The following PNLIPRP1 variants were observed in gnomAD, a reference collection of about 807,000 sequenced individuals.
The protein encoded by PNLIPRP1 is pancreatic lipase related protein 1.
PNLIPRP1 carries 57 observed loss-of-function variants against 54.6 expected under a neutral mutation model. The ratio of observed to expected loss-of-function variants is 1.04; its 90% confidence interval spans 0.84 to 1.30. The LOEUF (loss-of-function observed/expected upper bound fraction) is 1.30, where lower values mean the gene tolerates loss of function less well. Among genes scored for constraint, PNLIPRP1 ranks in the 50% most tolerant of loss-of-function variants. PNLIPRP1 has a pLI of 0.00. For synonymous variants in PNLIPRP1, 232 were observed against 208.8 expected, an observed-to-expected ratio of 1.11 and a Z score of -0.96; for missense variants, 567 against 568.5, an observed-to-expected ratio of 1.00 and a Z score of 0.03.
intron 12 of PNLIPRP1, among the ~76,000 whole-genome samples, chr10:116,608,538 G>A (rs1198933301): frequency 1.3e-5 from 2 of 152,188 alleles, no homozygotes; most frequent in African/African-American, 4.8e-5. Flanking sequence ...TTAATGGAGC[G>A]CCCTTTGTGC....
chr10:116,595,698 G>A (rs1847722378), intron 5 of PNLIPRP1: 1 of 153,374 alleles, frequency 6.5e-6, no homozygotes, highest in South Asian at 2.0e-4. Flanking sequence ...AAGTAAAGAA[G>A]ACACATGAGA....
At chr10:116,594,664 C>A in intron 4 of PNLIPRP1, 66 bp from the exon 5 acceptor site, 1 of 1,582,970 alleles carries the variant, frequency 6.3e-7, no homozygotes, top group Non-Finnish European at 8.7e-7. Flanking sequence ...CATTTCTGAG[C>A]CCTGGCTGGA....
chr10:116,595,214 G>T, intron 5 of PNLIPRP1: 1 of 272,878 alleles, frequency 3.7e-6, no homozygotes, highest in Non-Finnish European at 7.2e-6. Flanking sequence ...AACACCAGGT[G>T]GGCTCTGTTT....
At chr10:116,591,683 T>C (rs1222337080) in intron 2 of PNLIPRP1, 88 bp from the exon 3 acceptor site, 3 of 1,357,950 alleles carry the variant, frequency 2.2e-6, no homozygotes, top group Non-Finnish European at 2.1e-6. Flanking sequence ...TGTCCCTGAA[T>C]AGAAGAGTGA....
chr10:116,591,211 G>A (rs781816570), intron 2 of PNLIPRP1, 33 bp downstream of exon 2: 1 of 1,585,164 alleles, frequency 6.3e-7, no homozygotes, highest in Non-Finnish European at 8.7e-7. Context: ...CGTAGGAAGG[G>A]CTTAAACTTA....
At chr10:116,596,775 A>T (rs1172975801) in intron 6 of PNLIPRP1, among the ~76,000 whole-genome samples, 1 of 152,182 alleles carries the variant, frequency 6.6e-6, no homozygotes, top group Non-Finnish European at 1.5e-5. Flanking sequence ...CCCAGTCGCC[A>T]TTATGGCCAA....
intron 3 of PNLIPRP1, chr10:116,592,138 G>A (rs1054048779): frequency 2.7e-5 from 17 of 636,370 alleles, no homozygotes; most frequent in Non-Finnish European, 4.6e-5. Flanking sequence ...AGAACCTCTA[G>A]CTACTGTGTG....
intron 12 of PNLIPRP1, among the ~76,000 whole-genome samples, chr10:116,607,069 A>AGAT (rs1260689424): frequency 1.3e-5 from 2 of 149,658 alleles, no homozygotes; most frequent in African/African-American, 4.9e-5. Flanking sequence ...AAGAAAATCA[A>AGAT]GATTTTGGTC....
chr10:116,596,108 A>G (rs1325994030), intron 5 of PNLIPRP1, 106 bp from the exon 6 acceptor site: 2 of 751,446 alleles, frequency 2.7e-6, no homozygotes, highest in Non-Finnish European at 4.7e-6. Context: ...CCTGAAGGCA[A>G]TGAGAGGCAT....
In PNLIPRP1 at chr10:116,604,063, G is replaced by A. The variant is rs1554865186; in HGVS notation, c.1097G>A (p.Gly366Glu). 1 of 1,613,502 alleles carries A rather than the reference G, an allele frequency of 6.2e-7. No homozygotes were observed. The highest frequency in any genetic ancestry group is 1.3e-5 in the African/African-American group (1 of 74,868). The change falls in exon 11 of 13, where the codon GGA becomes GAA. Residue 366 changes from glycine to glutamate, a missense_variant. Coordinates refer to ENST00000358834, the MANE Select transcript of PNLIPRP1 (RefSeq NM_006229.4). ...WRYGVSITLS[G>E]RTATGQIKVA... The stretch of plus-strand genomic sequence containing the variant: ...TATGGGGTTTCCATCACACTGTCTG[G>A]AAGAACAGCCACTGGTCAGATCAAA...
Position 116,596,338 on chromosome 10 carries a change from C to G in PNLIPRP1, c.574+16C>G, listed in dbSNP as rs941090590. 4 of 1,509,978 alleles carry G rather than the reference C, an allele frequency of 2.6e-6. No individual in the cohort carries two copies. Among genetic ancestry groups the G allele is most frequent in the Non-Finnish European group, 2.8e-6 (3 of 1,088,824 alleles). The allele number at this position is 1,509,978 out of a possible 1,614,324, so 93.5% of individuals were successfully genotyped here. A position where few individuals can be genotyped will look rare whatever the true frequency, so the allele number is the denominator to read the frequency against. On this transcript the variant is annotated intron_variant, in intron 6 of 12. Transcript: ENST00000358834. ...AGGATTACAGGTAAGGCCCCAGAGGCAGGGCCCCAGTTTTGTCCCCAGAAA... is the reference window on the plus strand; with the variant it reads ...AGGATTACAGGTAAGGCCCCAGAGGGAGGGCCCCAGTTTTGTCCCCAGAAA...
intron 11 of PNLIPRP1, among the ~76,000 whole-genome samples, chr10:116,604,796 C>G (rs1339715963): frequency 6.9e-6 from 1 of 144,518 alleles, no homozygotes; most frequent in African/African-American, 2.6e-5. Flanking sequence ...TCAAGAAATT[C>G]TCGTGCCTCA....
rs147200171 is a variant in PNLIPRP1, at chr10:116,602,312, C to T, written c.1063+1111C>T. On this transcript the variant is annotated intron_variant, in intron 10 of 12. Coordinates refer to ENST00000358834, the MANE Select transcript of PNLIPRP1 (RefSeq NM_006229.4). ...GGGATTACAGGCGTGAGCCACCGCA[C>T]CCGGCCCACTCTGTGTATTTTTTTT... is the stretch of plus-strand genomic sequence containing the variant. Among the ~76,000 whole-genome samples the T allele has an allele frequency of 1.3e-3, 196 of 149,536 alleles. 1 individual carries two copies. The highest frequency in any genetic ancestry group is 4.5e-3 in the African/African-American group (186 of 41,166).
intron 12 of PNLIPRP1, among the ~76,000 whole-genome samples, chr10:116,607,800 G>C (rs1200418811): frequency 6.6e-6 from 1 of 152,160 alleles, no homozygotes; most frequent in African/African-American, 2.4e-5. Flanking sequence ...TTAATTGTAA[G>C]ACTTTTTACA....
At chr10:116,594,885 A>G (rs368593688) in intron 5 of PNLIPRP1, 21 bp downstream of exon 5, 7 of 1,613,040 alleles carry the variant, frequency 4.3e-6, no homozygotes, top group Middle Eastern at 1.7e-4. Context: ...TGGCTGGCCT[A>G]TGTGAGGAGG....
intron 10 of PNLIPRP1, 130 bp downstream of exon 10, chr10:116,601,331 G>GA (rs1847835756): frequency 1.2e-6 from 1 of 824,194 alleles, no homozygotes; most frequent in Non-Finnish European, 1.9e-6. Flanking sequence ...CACATTTACC[G>GA]AAACTATTGC....
rs1040263318 is a variant in PNLIPRP1, at chr10:116,592,049, C to T, written c.204+124C>T. On this transcript the variant is annotated intron_variant, in intron 3 of 12. Transcript: ENST00000358834. ...ATGCCCCACCCCATCCCTCAAGCTG[C>T]CCCCCAGACCTAGCTAGACCTAGAC... is the stretch of plus-strand genomic sequence containing the variant. 3.6e-5 allele frequency: 36 copies of T among 999,260 alleles called. No individual in the cohort carries two copies. In the South Asian group the frequency reaches 4.9e-4, roughly 14 times the overall value. 61.9% of individuals were successfully genotyped at this position (999,260 alleles called of 1,614,324 possible).
At position 116,601,085 on chromosome 10, in the gene PNLIPRP1, C is replaced by T. The variant is rs376297190; in HGVS notation, c.947C>T (p.Pro316Leu). 1.1e-4 allele frequency: 173 copies of T among 1,612,874 alleles called. 1 individual carries two copies. Among genetic ancestry groups the T allele is most frequent in the Non-Finnish European group, 1.3e-4 (153 of 1,179,666 alleles). Reference sequence around the variant, plus strand: ...TCTTCTCATTAGGACAAGTGCTTCCCGTGTCCAGATCAAGGATGCCCACAG... The same window carrying T: ...TCTTCTCATTAGGACAAGTGCTTCCTGTGTCCAGATCAAGGATGCCCACAG... ...YKSFESDKCF[P>L]CPDQGCPQMG... Residue 316 changes from proline to leucine, a missense_variant, in exon 10 of 13, where the codon CCG becomes CTG. By Grantham distance (98) the Pro-to-Leu change is moderately conservative. Coordinates refer to ENST00000358834, the MANE Select transcript of PNLIPRP1 (RefSeq NM_006229.4).
In PNLIPRP1 at chr10:116,592,545, G is replaced by C; in HGVS notation, c.330+4G>C. 6.2e-7 allele frequency: 1 copy of C among 1,614,108 alleles called. No individual in the cohort carries two copies. On this transcript the variant is annotated splice_donor_region_variant and intron_variant, in intron 4 of 12. Transcript: ENST00000358834. ...CTGGGTGACAGACATGTGCAAGGTAGGAGCCAGCTCTGATCCCTGTGGCCA... is the reference window on the plus strand; with the variant it reads ...CTGGGTGACAGACATGTGCAAGGTACGAGCCAGCTCTGATCCCTGTGGCCA...
Sources: gnomAD v4.1 joint callset for allele counts (sites outside exome capture counted in the v4.1 genomes callset) on GRCh38, gnomAD v4.1.1 for gene constraint, MANE v1.5 for transcripts, NCBI Gene and HGNC (gene_info 2026-07-23, HGNC 2026-07-21) for gene names.